Variants in KLK5 observed in about 807,000 individuals in gnomAD.
KLK5 encodes kallikrein related peptidase 5.
KLK5 carries 18 observed loss-of-function variants against 24.0 expected under a neutral mutation model. The ratio of observed to expected loss-of-function variants is 0.75; its 90% CI spans 0.52 to 1.11. The LOEUF is 1.11. Ranked by LOEUF, KLK5 falls within the 50% of genes most tolerant of loss-of-function variation. KLK5 has a pLI of 0.00. For synonymous variants in KLK5, 140 were observed against 154.0 expected (o/e 0.91, Z 0.67); for missense variants, 374 against 379.2 (o/e 0.99, Z 0.11).
chr19:50,948,122 G>GTT (rs35017505), intron 5 of KLK5, among the ~76,000 whole-genome samples: 385 of 147,060 alleles, frequency 2.6e-3, no homozygotes, highest in Non-Finnish European at 3.9e-3. Context: ...TTTTTTACTT[G>GTT]TTTTTTTTTT....
At chr19:50,949,148 T>G in intron 3 of KLK5, 33 bp from the exon 4 acceptor site, 16 of 1,599,468 alleles carry the variant, frequency 1.0e-5, no homozygotes, top group Non-Finnish European at 1.4e-5. Flanking sequence ...CCACCAACCC[T>G]GATCTCTATC....
At position 50,945,792 on chromosome 19, in the gene KLK5, A is replaced by AAAAAGAAAAGAAAAGAAAACAAAAG. The variant is rs2090627285; in HGVS notation, c.727-2007_727-2006insCTTTTGTTTTCTTTTCTTTTCTTTT. Among the ~76,000 whole-genome samples the AAAAAGAAAAGAAAAGAAAACAAAAG allele has an allele frequency of 4.0e-5, 6 of 149,326 alleles. No individual in the cohort carries two copies. The South Asian group carries it at 1.3e-3, about 32-fold the overall frequency. Reference sequence around the variant, plus strand: ...GGTGACAGAGCGAGACTCCGTCTCAAAAAAGAAAAGAAAAGAAAAGAAAAG... The same window carrying AAAAAGAAAAGAAAAGAAAACAAAAG: ...GGTGACAGAGCGAGACTCCGTCTCAAAAAAGAAAAGAAAAGAAAACAAAAGAAAAGAAAAGAAAAGAAAAGAAAAG... On this transcript the variant is annotated intron_variant, in intron 5 of 5. Coordinates refer to ENST00000336334, the MANE Select transcript of KLK5 (RefSeq NM_012427.5).
chr19:50,952,901 C>T lies in KLK5; in HGVS notation c.-166G>A, dbSNP rs1473885657. ...AAGATGTGGGTGCAGGACGCACAGACACCTCTCCTTCCCTGCCTGCTGAGC... is the reference window on the plus strand; with the variant it reads ...AAGATGTGGGTGCAGGACGCACAGATACCTCTCCTTCCCTGCCTGCTGAGC... On this transcript the variant is annotated 5_prime_UTR_variant, in exon 1 of 6. Transcript: ENST00000336334. The T allele has an allele frequency of 1.9e-5, 7 of 366,176 alleles. No homozygotes were observed. The highest frequency in any genetic ancestry group is 2.9e-5 in the Non-Finnish European group (6 of 209,014). The allele number at this position is 366,176 out of a possible 1,614,324, so 22.7% of individuals were successfully genotyped here.
At chr19:50,948,313 G>A (rs972329781) in intron 5 of KLK5, among the ~76,000 whole-genome samples, 2 of 152,052 alleles carry the variant, frequency 1.3e-5, no homozygotes, top group African/African-American at 2.4e-5. Flanking sequence ...TTTAGAGACA[G>A]AGTTTCGCCA....
Position 50,947,756 on chromosome 19 carries a change from C to T in KLK5, c.726+884G>A, listed in dbSNP as rs113895339. ...TGAAACAAGACACTTAACTACCACA[C>T]GCCTGAAAACTGCCAAAACTGACAT... On this transcript the variant is annotated intron_variant, in intron 5 of 5. Transcript: ENST00000336334. This position sits in a 1 kb window ranked among gnomAD's most constrained non-coding sequence, Gnocchi z 8.7. Among the ~76,000 whole-genome samples the T allele has an allele frequency of 3.3e-4, 51 of 152,308 alleles. No homozygotes were observed. The highest frequency in any genetic ancestry group is 9.6e-4 in the African/African-American group (40 of 41,568).
At chr19:50,950,153 C>A (rs377353073) in intron 2 of KLK5, 37 bp from the exon 3 acceptor site, 23 of 814,960 alleles carry the variant, frequency 2.8e-5, no homozygotes, top group African/African-American at 1.2e-4. Context: ...GGCTCAGAGG[C>A]GGGGCTTGGG....
rs1336431618 is a variant in KLK5, at chr19:50,952,738, C to G, written c.-12+9G>C. On this transcript the variant is annotated intron_variant, in intron 1 of 5. Transcript: ENST00000336334. Reference sequence around the variant, plus strand: ...GGAGCCCTTAACCCACTTCCCCTCCCTCCCCTACCTTATTTCCCCAGGTAG... The same window carrying G: ...GGAGCCCTTAACCCACTTCCCCTCCGTCCCCTACCTTATTTCCCCAGGTAG... The G allele has an allele frequency of 9.7e-7, 1 of 1,032,446 alleles. No homozygotes were observed. Among genetic ancestry groups the G allele is most frequent in the Admixed American group, 2.7e-5 (1 of 37,618 alleles). The allele number at this position is 1,032,446 out of a possible 1,614,324, so 64.0% of individuals were successfully genotyped here.
chr19:50,951,150 A>G (rs774058966), intron 2 of KLK5, among the ~76,000 whole-genome samples: 7 of 152,128 alleles, frequency 4.6e-5, no homozygotes, highest in Non-Finnish European at 1.0e-4. Flanking sequence ...GAATTCTCAG[A>G]TGAAAACATG....
In KLK5 at chr19:50,943,752, G is replaced by A. The variant is rs200795065; in HGVS notation, c.761C>T (p.Ser254Phe). 640 of 1,613,832 alleles carry A rather than the reference G, an allele frequency of 4.0e-4. 8 individuals are homozygous for A. The South Asian group carries it at 5.2e-3, about 13-fold the overall frequency. Residue 254 changes from serine (S) to phenylalanine (F), a missense_variant, in exon 6 of 6, where the codon TCC becomes TTC. Coordinates refer to ENST00000336334, the MANE Select transcript of KLK5 (RefSeq NM_012427.5). ...DSGGPVVCNG[S>F]LQGLVSWGDY... Reference sequence around the variant, plus strand: ...TCCCCAGGACACGAGTCCCTGCAGGGAGCCATTGCAGACCACAGGCCCCCC... The same window carrying A: ...TCCCCAGGACACGAGTCCCTGCAGGAAGCCATTGCAGACCACAGGCCCCCC...
intron 2 of KLK5, among the ~76,000 whole-genome samples, chr19:50,951,985 G>A (rs539387086): frequency 5.9e-4 from 90 of 151,754 alleles, no homozygotes; most frequent in African/African-American, 2.1e-3. Context: ...GCATTTACAC[G>A]GCCTCACACA....
intron 5 of KLK5, among the ~76,000 whole-genome samples, chr19:50,944,097 G>A (rs2253655): frequency 0.67 from 101,682 of 151,556 alleles, 34,958 homozygotes; most frequent in East Asian, 0.95. Context: ...TCCATCTCCC[G>A]GGTTCAAGCA....
intron 2 of KLK5, among the ~76,000 whole-genome samples, chr19:50,950,888 T>A (rs1211408361): frequency 5.7e-4 from 5 of 8,758 alleles, no homozygotes; most frequent in South Asian, 4.6e-3. Context: ...CAAGACTGTC[T>A]CCAAAAAAAA....
intron 2 of KLK5, 66 bp from the exon 3 acceptor site, chr19:50,950,182 C>T: frequency 6.6e-7 from 1 of 1,521,994 alleles, no homozygotes; most frequent in Non-Finnish European, 8.9e-7. Context: ...GGGTTTCAGA[C>T]TCAAGAGGCC....
chr19:50,944,733 G>A (rs890426941), intron 5 of KLK5, among the ~76,000 whole-genome samples: 1 of 152,150 alleles, frequency 6.6e-6, no homozygotes, highest in Non-Finnish European at 1.5e-5. Context: ...TCCATTAGTT[G>A]CCAGTAATGC....
chr19:50,952,364 A>G (rs888376940), intron 2 of KLK5, among the ~76,000 whole-genome samples: 5 of 152,122 alleles, frequency 3.3e-5, no homozygotes, highest in African/African-American at 7.2e-5. Flanking sequence ...CCTGCCGCAC[A>G]GTCACCTGAT....
chr19:50,945,668 G>GTTATCCCAGCTA (rs1251624713), intron 5 of KLK5, among the ~76,000 whole-genome samples: 1 of 150,932 alleles, frequency 6.6e-6, no homozygotes, highest in Non-Finnish European at 1.5e-5. Context: ...GTGGGTGCCT[G>GTTATCCCAGCTA]TTATCCCAGC....
intron 2 of KLK5, 97 bp downstream of exon 2, chr19:50,952,488 G>A (rs1279823369): frequency 7.2e-6 from 6 of 833,550 alleles, no homozygotes; most frequent in South Asian, 2.0e-5. Context: ...CCGGAGTCAT[G>A]CCCAGGCTCA....
At position 50,949,982 on chromosome 19, in the gene KLK5, C is replaced by T. The variant is rs2090671859; in HGVS notation, c.208G>A (p.Gly70Arg). ...SDDSSSRIIN[G>R]SDCDMHTQPW... ...TGGGTGTGCATATCGCAGTCGGATC[C>T]ATTGATGATGCGGCTGCTGCTGTCA... The change falls in exon 3 of 6, where the codon GGA becomes AGA. Residue 70 changes from glycine to arginine, a missense_variant. Gly to Arg is a moderately radical substitution (Grantham distance 125). Coordinates refer to ENST00000336334, the MANE Select transcript of KLK5 (RefSeq NM_012427.5). 1 of 1,613,816 alleles carries T rather than the reference C, an allele frequency of 6.2e-7. No homozygotes were observed. Among genetic ancestry groups the T allele is most frequent in the Non-Finnish European group, 8.5e-7 (1 of 1,179,990 alleles).
rs2411333 is a variant in KLK5 at position 50,947,787 on chromosome 19, A to G, written c.726+853T>C. On this transcript the variant is annotated intron_variant, in intron 5 of 5. Transcript: ENST00000336334. This position sits in a 1 kb window ranked among gnomAD's most constrained non-coding sequence, Gnocchi z 8.7. ...AAAACTGCCAAAACTGACATCTGTA[A>G]CACGGAGTGCCCCTATTAGATATGG... Among the ~76,000 whole-genome samples the G allele has an allele frequency of 0.098, 14,916 of 152,222 alleles. 838 individuals carry two copies. Among genetic ancestry groups the G allele is most frequent in the East Asian group, 0.2 (1,037 of 5,166 alleles).
Sources: gnomAD v4.1 joint callset for allele counts (sites outside exome capture counted in the v4.1 genomes callset) on GRCh38, gnomAD v4.1.1 for gene constraint, Gnocchi (gnomAD v3.1) non-coding constraint, MANE v1.5 for transcripts, NCBI Gene and HGNC (gene_info 2026-07-23, HGNC 2026-07-21) for gene names.